UGT2A1: variants seen among roughly 807,000 people sequenced by gnomAD.
UGT2A1 encodes the protein UDP-glucuronosyltransferase 2A1.
In UGT2A1, 61 loss-of-function variants were observed where a neutral mutation model predicts 45.4. The ratio of observed to expected loss-of-function variants is 1.34; its 90% CI spans 1.09 to 1.66. UGT2A1 has a LOEUF of 1.66. Ranked by LOEUF, UGT2A1 falls within the 40% of genes most tolerant of loss-of-function variation. The pLI is 0.00. For missense variants in UGT2A1, 649 were observed against 574.3 expected (o/e 1.13, Z -1.33); for synonymous variants, 229 against 196.2 (o/e 1.17, Z -1.40).
chr4:69,618,187 A>G (rs1029669242), intron 3 of UGT2A1, among the ~76,000 whole-genome samples: 11 of 144,466 alleles, frequency 7.6e-5, no homozygotes, highest in South Asian at 2.2e-4. Context: ...GCCAGTAAGC[A>G]TGTGTGTGTG....
intron 3 of UGT2A1, among the ~76,000 whole-genome samples, chr4:69,624,056 G>A (rs2109941551): frequency 6.6e-6 from 1 of 151,612 alleles, no homozygotes. Context: ...CTGTGTGCTT[G>A]TATTATCAAT....
chr4:69,633,375 T>A (rs1235758600), intron 3 of UGT2A1, among the ~76,000 whole-genome samples: 2 of 152,196 alleles, frequency 1.3e-5, no homozygotes, highest in Admixed American at 1.3e-4. Context: ...CTAGTAGGTT[T>A]ACTAGTTTGC....
chr4:69,611,278 C>A (rs1280681079), intron 3 of UGT2A1, among the ~76,000 whole-genome samples: 1 of 151,382 alleles, frequency 6.6e-6, no homozygotes, highest in Non-Finnish European at 1.5e-5. Context: ...CCCAGTAGGT[C>A]ACCTCCAAGT....
At chr4:69,599,695 A>AAG (rs138740078) in intron 3 of UGT2A1, 199 of 200,328 alleles carry the variant, frequency 9.9e-4, no homozygotes, top group East Asian at 1.7e-3. Flanking sequence ...GAAATAAAGA[A>AAG]AGAGAGAGAG....
At chr4:69,620,221 T>C (rs536000638) in intron 3 of UGT2A1, among the ~76,000 whole-genome samples, 160 of 152,076 alleles carry the variant, frequency 1.1e-3, no homozygotes, top group Non-Finnish European at 1.1e-3. Context: ...CATGATTCTA[T>C]ATGTAGAAAA....
intron 3 of UGT2A1, among the ~76,000 whole-genome samples, chr4:69,607,448 C>T (rs1027059507): frequency 4.1e-4 from 62 of 152,020 alleles, no homozygotes; most frequent in Admixed American, 7.2e-4. Flanking sequence ...ACATGTTAGA[C>T]CTAAAACCAT....
chr4:69,651,713 T>G (rs934436127), intron 1 of UGT2A1, among the ~76,000 whole-genome samples: 2 of 152,190 alleles, frequency 1.3e-5, no homozygotes, highest in African/African-American at 2.4e-5. Flanking sequence ...GTTAATTGAA[T>G]GCAGATGCCA....
At chr4:69,623,187 A>G (rs1720849771) in intron 3 of UGT2A1, among the ~76,000 whole-genome samples, 3 of 151,796 alleles carry the variant, frequency 2.0e-5, no homozygotes, top group African/African-American at 7.2e-5. Flanking sequence ...CCTCATGACA[A>G]TTCATCAAAA....
At chr4:69,626,475 C>T (rs929710937) in intron 3 of UGT2A1, among the ~76,000 whole-genome samples, 5 of 151,506 alleles carry the variant, frequency 3.3e-5, no homozygotes, top group Non-Finnish European at 7.4e-5. Flanking sequence ...TCCTTACATT[C>T]GTGTGCAGAT....
At chr4:69,595,418 T>G (rs535292528) in intron 4 of UGT2A1, among the ~76,000 whole-genome samples, 169 bp from the exon 5 acceptor site, 2 of 152,258 alleles carry the variant, frequency 1.3e-5, no homozygotes, top group Admixed American at 1.3e-4. Context: ...TGTACCTTTT[T>G]GTAAAGTCTT....
At chr4:69,602,058 T>A (rs1322520401) in intron 3 of UGT2A1, among the ~76,000 whole-genome samples, 2 of 137,218 alleles carry the variant, frequency 1.5e-5, no homozygotes, top group African/African-American at 5.9e-5. Flanking sequence ...CTGTTACAGT[T>A]AAAATGATTA....
At chr4:69,619,572 G>GAA (rs1720619106) in intron 3 of UGT2A1, among the ~76,000 whole-genome samples, 2 of 151,638 alleles carry the variant, frequency 1.3e-5, no homozygotes, top group African/African-American at 4.8e-5. Flanking sequence ...TAACATAAAA[G>GAA]GAATATAATC....
At chr4:69,630,784 A>T (rs1326278944) in intron 3 of UGT2A1, among the ~76,000 whole-genome samples, 5 of 152,132 alleles carry the variant, frequency 3.3e-5, no homozygotes, top group African/African-American at 4.8e-5. Context: ...CGTGAATGCA[A>T]TTCTACCGCT....
chr4:69,636,279 G>A (rs903902155), intron 2 of UGT2A1, among the ~76,000 whole-genome samples: 1 of 152,134 alleles, frequency 6.6e-6, no homozygotes, highest in African/African-American at 2.4e-5. Context: ...ACATAATTAC[G>A]TAAAATTGTG....
intron 3 of UGT2A1, among the ~76,000 whole-genome samples, chr4:69,615,548 AG>A (rs1720329431): frequency 6.6e-6 from 1 of 152,126 alleles, no homozygotes. Context: ...GTAATCAAAA[AG>A]AAATGGATAA....
chr4:69,609,320 T>TTTTTC (rs1161576114), intron 3 of UGT2A1, among the ~76,000 whole-genome samples: 1 of 152,010 alleles, frequency 6.6e-6, no homozygotes, highest in South Asian at 2.1e-4. Context: ...CCTAGCTATT[T>TTTTTC]TTTTCTTTTC....
intron 3 of UGT2A1, among the ~76,000 whole-genome samples, chr4:69,635,044 A>T (rs1255813079): frequency 6.6e-6 from 1 of 152,160 alleles, no homozygotes; most frequent in Non-Finnish European, 1.5e-5. Flanking sequence ...CTTATTTTAC[A>T]TTGCATGTCT....
rs1427203047 is a variant in UGT2A1, at chr4:69,607,047, T to G, written c.848-7653A>C. ...CCCATCAAACTACCAATGACTTTCTTCACAGAATTGGAAAAAACTACTTTA... is the reference window on the plus strand; with the variant it reads ...CCCATCAAACTACCAATGACTTTCTGCACAGAATTGGAAAAAACTACTTTA... On this transcript the variant is annotated intron_variant, in intron 3 of 6. Transcript: ENST00000286604. 3.3e-4 allele frequency among the ~76,000 whole-genome samples: 40 copies of G among 121,368 alleles called. 4 individuals carry two copies. Among genetic ancestry groups the G allele is most frequent in the African/African-American group, 1.3e-3 (38 of 28,856 alleles). The allele number at this position is 121,368 out of a possible 152,430, so 79.6% of individuals were successfully genotyped here.
intron 3 of UGT2A1, among the ~76,000 whole-genome samples, chr4:69,633,432 A>G (rs1721497272): frequency 1.3e-5 from 2 of 152,182 alleles, no homozygotes; most frequent in Non-Finnish European, 2.9e-5. Context: ...TGACCTGTCA[A>G]TTCCACTCTC....
Sources: gnomAD v4.1 joint callset for allele counts (sites outside exome capture counted in the v4.1 genomes callset) on GRCh38, gnomAD v4.1.1 for gene constraint, MANE v1.5 for transcripts, NCBI Gene and HGNC (gene_info 2026-07-23, HGNC 2026-07-21) for gene names.